The following CDK6 variants were observed in gnomAD, a reference collection of about 807,000 sequenced individuals.
CDK6 encodes cyclin-dependent kinase 6.
A neutral mutation model predicts 37.1 loss-of-function variants in CDK6; 6 were observed. The ratio of observed to expected loss-of-function variants is 0.16; its 90% CI spans 0.09 to 0.32. The LOEUF (loss-of-function observed/expected upper bound fraction) is 0.32, where lower values mean the gene tolerates loss of function less well. Among genes scored for constraint, CDK6 ranks in the 10% least tolerant of loss-of-function variants. CDK6 has a pLI of 1.00. For synonymous variants in CDK6, 160 were observed against 161.3 expected (o/e 0.99, Z 0.06); for missense variants, 224 against 418.9 (o/e 0.53, Z 4.06).
chr7:92,739,464 A>G (rs1470255864), intron 3 of CDK6, among the ~76,000 whole-genome samples: 2 of 152,202 alleles, frequency 1.3e-5, no homozygotes, highest in African/African-American at 2.4e-5. Context: ...TTCCATCTGT[A>G]TTTCTTATCT....
Position 92,618,198 on chromosome 7 carries a change from T to C in CDK6, c.708A>G (p.Gly236=), listed in dbSNP as rs1795722828. 6.2e-7 allele frequency: 1 copy of C among 1,613,772 alleles called. No individual in the cohort carries two copies. The highest frequency in any genetic ancestry group is 1.3e-5 in the African/African-American group (1 of 74,984). The change falls in exon 7 of 8, where the codon GGA becomes GGG. Residue 236 remains glycine (G), a synonymous_variant. Coordinates refer to ENST00000424848, the MANE Select transcript of CDK6 (RefSeq NM_001145306.2). ...TAGGCCAGTCTTCTTCTCCTGGGAGTCCAATCACGCTACAAAAGAACCACA... is the reference window on the plus strand; with the variant it reads ...TAGGCCAGTCTTCTTCTCCTGGGAGCCCAATCACGCTACAAAAGAACCACA... ...DQLGKILDVI[G]LPGEEDWPRD... is the part of the protein sequence containing the mutation.
In CDK6 at chr7:92,833,728, T is replaced by G. The variant is rs2116037597; in HGVS notation, c.-367-38A>C. 2 of 429,912 alleles carry G rather than the reference T, an allele frequency of 4.7e-6. No homozygotes were observed. The highest frequency in any genetic ancestry group is 8.1e-6 in the Non-Finnish European group (2 of 247,080). 26.6% of individuals were successfully genotyped at this position (429,912 alleles called of 1,614,324 possible). ...ACGGGAGGATAAGAAGAAAGTGCAA[T>G]CAGACAGCCCAGAAGCCTTCCTCGG... On this transcript the variant is annotated intron_variant, in intron 1 of 7. Transcript: ENST00000424848. This position sits in a 1 kb window ranked among gnomAD's most constrained non-coding sequence, Gnocchi z 6.1.
Position 92,833,082 on chromosome 7 carries a change from C to A in CDK6, c.233+9G>T. The A allele has an allele frequency of 6.4e-7, 1 of 1,558,184 alleles. No homozygotes were observed. Among genetic ancestry groups the A allele is most frequent in the Non-Finnish European group, 8.7e-7 (1 of 1,151,056 alleles). On this transcript the variant is annotated intron_variant, in intron 2 of 7. Transcript: ENST00000424848. This position sits in a 1 kb window ranked among gnomAD's most constrained non-coding sequence, Gnocchi z 6.1. ...CCCCAGATGGCGAGGGCGCAGCTCCCTGGCTCACCTGACCACGTTGGGGTG... is the reference window on the plus strand; with the variant it reads ...CCCCAGATGGCGAGGGCGCAGCTCCATGGCTCACCTGACCACGTTGGGGTG...
intron 2 of CDK6, among the ~76,000 whole-genome samples, chr7:92,807,781 T>C (rs1237262007): frequency 6.6e-6 from 1 of 152,154 alleles, no homozygotes; most frequent in African/African-American, 2.4e-5. Flanking sequence ...TCTATCATGA[T>C]GAACAGTCAA....
intron 3 of CDK6, among the ~76,000 whole-genome samples, chr7:92,745,096 T>C (rs1302582572): frequency 1.3e-5 from 2 of 152,192 alleles, no homozygotes; most frequent in Non-Finnish European, 2.9e-5. Context: ...TAAATCTTAA[T>C]GTACTACTAA....
intron 4 of CDK6, chr7:92,724,929 C>T (rs1330123043): frequency 4.9e-6 from 4 of 822,408 alleles, no homozygotes; most frequent in South Asian, 5.5e-5. Context: ...CAGAATTTCA[C>T]AAAAATCCAT....
chr7:92,726,149 G>A lies in CDK6; in HGVS notation c.370-356C>T, dbSNP rs182515870. On this transcript the variant is annotated intron_variant, in intron 3 of 7. Transcript: ENST00000424848. ...AGGGGACACTTTTTGCTTCTCTATT[G>A]TTTAATGTGCCATTTCAACAATTAA... Among the ~76,000 whole-genome samples the A allele has an allele frequency of 3.3e-5, 5 of 152,178 alleles. No individual in the cohort carries two copies. In the East Asian group the frequency reaches 7.7e-4, roughly 23 times the overall value.
intron 5 of CDK6, among the ~76,000 whole-genome samples, chr7:92,650,785 T>C (rs113048244): frequency 1.6e-3 from 249 of 152,282 alleles, no homozygotes; most frequent in African/African-American, 5.5e-3. Flanking sequence ...CTCTCTCTGG[T>C]TCCTAATGTG....
chr7:92,804,727 A>C (rs1800678322), intron 2 of CDK6, among the ~76,000 whole-genome samples: 1 of 150,880 alleles, frequency 6.6e-6, no homozygotes, highest in South Asian at 2.1e-4. Context: ...CAGCATTTTG[A>C]AATTTGTTTG....
At chr7:92,719,481 G>A (rs1458998318) in intron 4 of CDK6, among the ~76,000 whole-genome samples, 1 of 152,112 alleles carries the variant, frequency 6.6e-6, no homozygotes, top group Non-Finnish European at 1.5e-5. Flanking sequence ...AATAAAGGGT[G>A]TTTTCAGAAC....
chr7:92,741,233 T>C lies in CDK6; in HGVS notation c.370-15440A>G, dbSNP rs1352098344. 2.0e-5 allele frequency among the ~76,000 whole-genome samples: 3 copies of C among 152,182 alleles called. No individual in the cohort carries two copies. The East Asian group carries it at 5.8e-4, about 29-fold the overall frequency. On this transcript the variant is annotated intron_variant, in intron 3 of 7. Coordinates refer to ENST00000424848, the MANE Select transcript of CDK6 (RefSeq NM_001145306.2). ...TAAGGCTTAGAGTGATATATACAGC[T>C]TGATTCTATTCTGACAAAACAAGAG...
At chr7:92,622,008 T>G (rs1215983538) in intron 6 of CDK6, among the ~76,000 whole-genome samples, 1 of 72,584 alleles carries the variant, frequency 1.4e-5, no homozygotes, top group African/African-American at 6.0e-5. Flanking sequence ...TTAGGGGTGG[T>G]TTTTTTTTTT....
intron 4 of CDK6, among the ~76,000 whole-genome samples, chr7:92,703,062 T>A (rs527813775): frequency 3.9e-5 from 6 of 152,186 alleles, no homozygotes; most frequent in Non-Finnish European, 8.8e-5. Flanking sequence ...CCCACTGATA[T>A]ATATGTAACC....
chr7:92,804,211 T>G (rs979411626), intron 2 of CDK6, among the ~76,000 whole-genome samples: 2 of 152,170 alleles, frequency 1.3e-5, no homozygotes, highest in African/African-American at 4.8e-5. Context: ...CACTTGAGGG[T>G]ATGCATCCCC....
chr7:92,655,222 T>A (rs114776269), intron 5 of CDK6, among the ~76,000 whole-genome samples: 1,921 of 152,224 alleles, frequency 0.013, 12 homozygotes, highest in Non-Finnish European at 0.02. Flanking sequence ...TCACTGCCAG[T>A]CTTAGTTTTT....
At chr7:92,745,272 G>A (rs1183960108) in intron 3 of CDK6, among the ~76,000 whole-genome samples, 1 of 152,102 alleles carries the variant, frequency 6.6e-6, no homozygotes, top group African/African-American at 2.4e-5. Flanking sequence ...ATTTGATGAA[G>A]GTATTCCAAG....
chr7:92,634,899 AG>A (rs1423353938), intron 5 of CDK6, among the ~76,000 whole-genome samples: 1 of 152,194 alleles, frequency 6.6e-6, no homozygotes, highest in African/African-American at 2.4e-5. Flanking sequence ...AGATTTGAAA[AG>A]TATAGGAAGT....
At chr7:92,632,265 T>C (rs902784011) in intron 5 of CDK6, among the ~76,000 whole-genome samples, 1 of 152,150 alleles carries the variant, frequency 6.6e-6, no homozygotes, top group Non-Finnish European at 1.5e-5. Flanking sequence ...AAATAATCAC[T>C]AGACATTTTC....
intron 2 of CDK6, among the ~76,000 whole-genome samples, chr7:92,824,663 G>T (rs561721199): frequency 6.6e-6 from 1 of 152,142 alleles, no homozygotes; most frequent in Admixed American, 6.5e-5. Context: ...GAGGTGGAAT[G>T]AAAGTGCTAC....
Sources: gnomAD v4.1 joint callset for allele counts (sites outside exome capture counted in the v4.1 genomes callset) on GRCh38, gnomAD v4.1.1 for gene constraint, Gnocchi (gnomAD v3.1) non-coding constraint, MANE v1.5 for transcripts, NCBI Gene and HGNC (gene_info 2026-07-23, HGNC 2026-07-21) for gene names.